DAB2IP: variants seen among roughly 807,000 people sequenced by gnomAD.
DAB2IP encodes disabled homolog 2-interacting protein.
A neutral mutation model predicts 107.2 loss-of-function variants in DAB2IP; 28 were observed. That is an observed-to-expected ratio of 0.26 (90% CI 0.19 to 0.36). The LOEUF (loss-of-function observed/expected upper bound fraction) is 0.36. Ranked by LOEUF, DAB2IP falls within the 10% of genes least tolerant of loss-of-function variation. The pLI is 1.00. For missense variants in DAB2IP, 1,400 were observed against 1,644.7 expected (o/e 0.85, Z 2.57); for synonymous variants, 755 against 706.4 (o/e 1.07, Z -1.09).
intron 1 of DAB2IP, among the ~76,000 whole-genome samples, chr9:121,607,371 A>G (rs1830920215): frequency 6.6e-6 from 1 of 151,936 alleles, no homozygotes; most frequent in South Asian, 2.1e-4. Context: ...TGCCACAATC[A>G]TGGCTCACTG....
rs745500680 is a variant in DAB2IP at position 121,776,209 on chromosome 9, G to A, written c.3132G>A (p.Val1044=). 8.3e-6 allele frequency: 13 copies of A among 1,575,726 alleles called. No homozygotes were observed. Among genetic ancestry groups the A allele is most frequent in the African/African-American group, 1.3e-5 (1 of 74,308 alleles). The change falls in exon 14 of 16, where the codon GTG becomes GTA. Residue 1044 remains valine (V), a synonymous_variant. Transcript: ENST00000408936. This position sits in a 1 kb window ranked among gnomAD's most constrained non-coding sequence, Gnocchi z 5.4. ...TGCCCTCCTGGTAGGACCTGGCGGT[G>A]CTGCAGGACAAGCTGCGAATCTCCA...
chr9:121,763,275 C>G (rs749763556), intron 6 of DAB2IP, among the ~76,000 whole-genome samples: 2 of 152,130 alleles, frequency 1.3e-5, no homozygotes, highest in South Asian at 4.1e-4. Context: ...TCCATAGACC[C>G]GGCTCTACTG....
chr9:121,671,275 G>A (rs1320203254), intron 1 of DAB2IP, among the ~76,000 whole-genome samples: 2 of 152,232 alleles, frequency 1.3e-5, no homozygotes, highest in African/African-American at 4.8e-5. Flanking sequence ...GGCGAAGGTT[G>A]CAGTGAGCTG....
chr9:121,707,055 TC>T (rs979546048), intron 3 of DAB2IP, among the ~76,000 whole-genome samples: 1 of 152,176 alleles, frequency 6.6e-6, no homozygotes, highest in African/African-American at 2.4e-5. Context: ...CTTCCTCCCC[TC>T]CCTGTGTTGG....
At position 121,780,805 on chromosome 9, in the gene DAB2IP, G is replaced by A. The variant is rs192810452; in HGVS notation, c.3315-659G>A. Among the ~76,000 whole-genome samples the A allele has an allele frequency of 2.1e-4, 32 of 152,294 alleles. 1 individual carries two copies. In the East Asian group the frequency reaches 5.2e-3, roughly 25 times the overall value. On this transcript the variant is annotated intron_variant, in intron 14 of 15. Coordinates refer to ENST00000408936, the Ensembl canonical transcript of DAB2IP. ...GGCCTCCTGCCCACTGAGCTTCCGC[G>A]GGTGGTATGTCCCCCAGCTACTGCT...
At chr9:121,754,320 A>G (rs1001571037) in intron 3 of DAB2IP, among the ~76,000 whole-genome samples, 1 of 152,146 alleles carries the variant, frequency 6.6e-6, no homozygotes, top group Admixed American at 6.5e-5. Flanking sequence ...ACGCATAGGA[A>G]CGTGAGTGAG....
chr9:121,593,107 C>T (rs1249748689), intron 1 of DAB2IP, among the ~76,000 whole-genome samples: 2 of 152,176 alleles, frequency 1.3e-5, no homozygotes. Flanking sequence ...ATAATTGAGA[C>T]AGGGTCTTGT....
chr9:121,774,834 TGGG>T (rs934178970), intron 13 of DAB2IP, among the ~76,000 whole-genome samples: 1 of 152,100 alleles, frequency 6.6e-6, no homozygotes. Flanking sequence ...CCAGGATGGC[TGGG>T]AGAGCCACCC....
At chr9:121,758,348 G>A (rs962894461) in intron 4 of DAB2IP, among the ~76,000 whole-genome samples, 6 of 152,198 alleles carry the variant, frequency 3.9e-5, no homozygotes, top group Admixed American at 1.3e-4. Flanking sequence ...CAGACAGTCC[G>A]AGTCTCATTT....
intron 1 of DAB2IP, among the ~76,000 whole-genome samples, chr9:121,659,223 G>A (rs1833095267): frequency 6.6e-6 from 1 of 152,200 alleles, no homozygotes; most frequent in South Asian, 2.1e-4. Flanking sequence ...TGCTTGGCAT[G>A]GAGATTTGTG....
At chr9:121,707,030 A>G (rs531437769) in intron 3 of DAB2IP, among the ~76,000 whole-genome samples, 1 of 152,312 alleles carries the variant, frequency 6.6e-6, no homozygotes, top group African/African-American at 2.4e-5. Context: ...GGGTTGCCCA[A>G]GGAGTAAGAC....
chr9:121,629,156 A>G (rs1658744006), intron 1 of DAB2IP, among the ~76,000 whole-genome samples: 1 of 152,136 alleles, frequency 6.6e-6, no homozygotes. Flanking sequence ...GATGCGATAG[A>G]TTCCCTTTCG....
At chr9:121,598,647 G>GCGCGCC (rs1208068272) in intron 1 of DAB2IP, 1 of 152,388 alleles carries the variant, frequency 6.6e-6, no homozygotes, top group African/African-American at 2.4e-5. Context: ...GCGCCTCCAG[G>GCGCGCC]CGCGCCCTCG....
intron 1 of DAB2IP, among the ~76,000 whole-genome samples, chr9:121,588,834 G>T (rs1830365337): frequency 6.6e-6 from 1 of 151,808 alleles, no homozygotes; most frequent in African/African-American, 2.4e-5. Flanking sequence ...GTCACCTCTG[G>T]GGAGGTGGCT....
intron 3 of DAB2IP, among the ~76,000 whole-genome samples, chr9:121,745,706 A>G (rs993001657): frequency 2.0e-5 from 3 of 152,150 alleles, no homozygotes; most frequent in African/African-American, 7.2e-5. Flanking sequence ...AGGCAAGGGC[A>G]ACCCACTTGA....
chr9:121,744,472 G>A lies in DAB2IP; in HGVS notation c.363-12541G>A, dbSNP rs115396975. 7.2e-3 allele frequency among the ~76,000 whole-genome samples: 1,092 copies of A among 152,346 alleles called. 8 individuals are homozygous for A. The highest frequency in any genetic ancestry group is 0.021 in the African/African-American group (861 of 41,598). On this transcript the variant is annotated intron_variant, in intron 3 of 15. Transcript: ENST00000408936. ...GTCTCAGTGCAGGTTGGTCCTAACC[G>A]CCTTCATTGCCACGGCTGGGGGCGG...
intron 4 of DAB2IP, among the ~76,000 whole-genome samples, 185 bp downstream of exon 4, chr9:121,757,351 G>C (rs1447487651): frequency 1.3e-5 from 2 of 152,204 alleles, no homozygotes; most frequent in Admixed American, 1.3e-4. Flanking sequence ...TGGGGTGGAG[G>C]CTGTCCTTCC....
intron 2 of DAB2IP, among the ~76,000 whole-genome samples, chr9:121,682,368 G>A (rs541400114): frequency 5.3e-5 from 8 of 152,216 alleles, no homozygotes; most frequent in African/African-American, 7.2e-5. Flanking sequence ...CTCTTACAGG[G>A]GTGCTCCGCA....
Position 121,782,767 on chromosome 9 carries a change from G to T in DAB2IP, c.*269G>T. 1 of 1,321,806 alleles carries T rather than the reference G, an allele frequency of 7.6e-7. No homozygotes were observed. Among genetic ancestry groups the T allele is most frequent in the African/African-American group, 1.5e-5 (1 of 67,720 alleles). The allele number at this position is 1,321,806 out of a possible 1,614,324, so 81.9% of individuals were successfully genotyped here. On this transcript the variant is annotated 3_prime_UTR_variant, in exon 16 of 16. Transcript: ENST00000408936. The surrounding 1 kb of genome is among the most constrained non-coding windows in gnomAD (Gnocchi z 6.1). ...AGTGGGGACAGCCTGATGGGGCAGG[G>T]GGCCTGCCAAAAATATGTCTGTTGG...
Sources: allele counts gnomAD v4.1 joint callset (sites outside exome capture counted in the v4.1 genomes callset), GRCh38; gene constraint gnomAD v4.1.1; non-coding constraint Gnocchi (gnomAD v3.1); transcripts MANE v1.5; gene names NCBI Gene and HGNC (gene_info 2026-07-23, HGNC 2026-07-21).